ADAMTSL4: variants seen among roughly 807,000 people sequenced by gnomAD.
ADAMTSL4 encodes the protein ADAMTS like 4.
Under a neutral mutation model 122.8 loss-of-function variants are expected in ADAMTSL4, and 97 were observed. That is an observed-to-expected ratio of 0.79 (90% CI 0.67 to 0.93). The LOEUF is 0.93. Ranked by LOEUF, ADAMTSL4 falls within the 40% of genes least tolerant of loss-of-function variation. The pLI, the probability that ADAMTSL4 is intolerant of heterozygous loss-of-function variation, is 0.00. For synonymous variants in ADAMTSL4, 592 were observed against 568.0 expected (o/e 1.04, Z -0.60); for missense variants, 1,408 against 1,453.5 (o/e 0.97, Z 0.51).
In ADAMTSL4 at chr1:150,552,337, G is replaced by T. The variant is rs769173185; in HGVS notation, c.20+29G>T. ...AGAGAAGGGGCCACGGGTTGGGGGG[G>T]AGGAAAAGGGGAGGTGCTGGGATGG... On this transcript the variant is annotated intron_variant, in intron 3 of 18. Coordinates refer to ENST00000271643, the MANE Select transcript of ADAMTSL4 (RefSeq NM_019032.6). The surrounding 1 kb of genome is among the most constrained non-coding windows in gnomAD (Gnocchi z 4.0). 5.1e-6 allele frequency: 8 copies of T among 1,553,498 alleles called. No homozygotes were observed. In the South Asian group the frequency reaches 7.1e-5, roughly 14 times the overall value.
At position 150,554,255 on chromosome 1, in the gene ADAMTSL4, T is replaced by A. The variant is rs188568590; in HGVS notation, c.1132-110T>A. The A allele has an allele frequency of 3.5e-6, 5 of 1,424,962 alleles. No individual in the cohort carries two copies. In the East Asian group the frequency reaches 1.1e-4, roughly 33 times the overall value. The allele number at this position is 1,424,962 out of a possible 1,614,324, so 88.3% of individuals were successfully genotyped here. Reference sequence around the variant, plus strand: ...GCATCTGACCACCTCAGGGCAGGGGTCTTGGAGCTCTTCCGCTGACCTGAG... The same window carrying A: ...GCATCTGACCACCTCAGGGCAGGGGACTTGGAGCTCTTCCGCTGACCTGAG... On this transcript the variant is annotated intron_variant, in intron 6 of 18. Coordinates refer to ENST00000271643, the MANE Select transcript of ADAMTSL4 (RefSeq NM_019032.6). The surrounding 1 kb of genome is among the most constrained non-coding windows in gnomAD (Gnocchi z 4.0).
Position 150,553,125 on chromosome 1 carries a change from C to A in ADAMTSL4, c.306C>A (p.Pro102=), listed in dbSNP as rs1463260564. 1 of 1,613,162 alleles carries A rather than the reference C, an allele frequency of 6.2e-7. No individual in the cohort carries two copies. The highest frequency in any genetic ancestry group is 8.5e-7 in the Non-Finnish European group (1 of 1,179,790). The change falls in exon 5 of 19, where the codon CCC becomes CCA. Residue 102 remains proline, a synonymous_variant. Transcript: ENST00000271643. ...PEALLPRGQG[P]RPQTSPETLP... is the part of the protein sequence containing the mutation. ...CCCTCCTCCCCCGGGGCCAGGGTCC[C>A]AGACCCCAGACTTCTCCAGAAACCC...
In ADAMTSL4 at chr1:150,557,360, G is replaced by A. The variant is rs114589229; in HGVS notation, c.2047+25G>A. ...GGTGAGACATCACAGTGCGTTCCCC[G>A]CATCTCGGTCCAAACCCCCCAACTG... is the stretch of plus-strand genomic sequence containing the variant. On this transcript the variant is annotated intron_variant, in intron 12 of 18. Transcript: ENST00000271643. 4,923 of 1,603,496 alleles carry A rather than the reference G, an allele frequency of 3.1e-3. 150 individuals carry two copies. The African/African-American group carries it at 0.059, about 19-fold the overall frequency.
rs1671598593 is a variant in ADAMTSL4, at chr1:150,553,074, T to TC, written c.259dup (p.Arg87ProfsTer96). The stretch of plus-strand genomic sequence containing the variant: ...AGCTCCACCCGAGTCTGCCCCTCCC[T>TC]CCCCGGCCCCCAAGACATCCAGAAG... On this transcript the variant is annotated frameshift_variant, in exon 5 of 19. Coordinates refer to ENST00000271643, the MANE Select transcript of ADAMTSL4 (RefSeq NM_019032.6). LOFTEE classifies it high-confidence loss of function. 1 of 1,380,838 alleles carries TC rather than the reference T, an allele frequency of 7.2e-7. No homozygotes were observed. The highest frequency in any genetic ancestry group is 1.8e-5 in the Admixed American group (1 of 56,446). The allele number at this position is 1,380,838 out of a possible 1,614,324, so 85.5% of individuals were successfully genotyped here.
At position 150,554,544 on chromosome 1, in the gene ADAMTSL4, C is replaced by T. The variant is rs1671808050; in HGVS notation, c.1234+77C>T. 1 of 1,589,286 alleles carries T rather than the reference C, an allele frequency of 6.3e-7. No homozygotes were observed. The highest frequency in any genetic ancestry group is 1.1e-5 in the South Asian group (1 of 88,406). On this transcript the variant is annotated intron_variant, in intron 7 of 18. Coordinates refer to ENST00000271643, the MANE Select transcript of ADAMTSL4 (RefSeq NM_019032.6). This position sits in a 1 kb window ranked among gnomAD's most constrained non-coding sequence, Gnocchi z 4.0. ...AGGGGAGAGGAGATACCTGCTTACT[C>T]CCAGCCCTGAATGACTTCCAGCCCC...
rs781382300 is a variant in ADAMTSL4 at position 150,557,427 on chromosome 1, C to T, written c.2048-67C>T. 246 of 1,610,240 alleles carry T rather than the reference C, an allele frequency of 1.5e-4. 1 individual carries two copies. The highest frequency in any genetic ancestry group is 1.3e-3 in the South Asian group (117 of 90,616). ...GATTGTGGGGCCACGCCCGACCCTG[C>T]GTCTGGGACACCACTGAGCTTGGGC... On this transcript the variant is annotated intron_variant, in intron 12 of 18. Transcript: ENST00000271643.
chr1:150,560,157 C>CG lies in ADAMTSL4; in HGVS notation c.3187dup (p.Ala1063GlyfsTer36). On this transcript the variant is annotated frameshift_variant, in exon 19 of 19. Transcript: ENST00000271643. LOFTEE classifies it high-confidence loss of function. The stretch of plus-strand genomic sequence containing the variant: ...ACACAGCCACCTGTTGCCGCTCTTG[C>CG]GCACATGTCCTGGAGCGGTCTCCCC... 1.2e-6 allele frequency: 2 copies of CG among 1,614,064 alleles called. No homozygotes were observed. The highest frequency in any genetic ancestry group is 1.7e-6 in the Non-Finnish European group (2 of 1,180,008).
rs1486611207 is a variant in ADAMTSL4 at position 150,560,230 on chromosome 1, CCACCATCGGT to C, written c.*39_*48del. 1 of 1,612,740 alleles carries C rather than the reference CCACCATCGGT, an allele frequency of 6.2e-7. No individual in the cohort carries two copies. Among genetic ancestry groups the C allele is most frequent in the African/African-American group, 1.3e-5 (1 of 74,906 alleles). On this transcript the variant is annotated 3_prime_UTR_variant, in exon 19 of 19. Coordinates refer to ENST00000271643, the MANE Select transcript of ADAMTSL4 (RefSeq NM_019032.6). Reference sequence around the variant, plus strand: ...CGGGGCACCTTCACGGTTTTCTGTGCCACCATCGGTCACCCATTGATCGGCCCACTCTGAA... The same window carrying C: ...CGGGGCACCTTCACGGTTTTCTGTGCCACCCATTGATCGGCCCACTCTGAA...
intron 2 of ADAMTSL4, among the ~76,000 whole-genome samples, chr1:150,550,439 T>C (rs1056918100): frequency 1.0e-3 from 151 of 151,572 alleles, no homozygotes; most frequent in Non-Finnish European, 1.9e-4. Context: ...TCCAGGGAAC[T>C]GCCAAAGCCA....
intron 8 of ADAMTSL4, 67 bp downstream of exon 8, chr1:150,555,632 CAT>C: frequency 6.4e-7 from 1 of 1,557,536 alleles, no homozygotes; most frequent in Non-Finnish European, 8.7e-7. Flanking sequence ...CCCCCATATG[CAT>C]ACACATGTAC....
rs377733557 is a variant in ADAMTSL4, at chr1:150,557,976, C to G, written c.2209C>G (p.Arg737Gly). Reference sequence around the variant, plus strand: ...GGCTGGCGAGTGGACATCCTGCAGCCGCTCCTGTGGCCCCGGCACCCAGCA... The same window carrying G: ...GGCTGGCGAGTGGACATCCTGCAGCGGCTCCTGTGGCCCCGGCACCCAGCA... Reference protein sequence around the residue: ...WEAGEWTSCSRSCGPGTQHRQ... With the variant: ...WEAGEWTSCSGSCGPGTQHRQ... The change falls in exon 14 of 19, where the codon CGC becomes GGC. Residue 737 changes from arginine to glycine, a missense_variant. Physicochemically the swap from Arg to Gly is moderately radical, Grantham distance 125. Transcript: ENST00000271643. 1 of 1,610,468 alleles carries G rather than the reference C, an allele frequency of 6.2e-7. No individual in the cohort carries two copies. The highest frequency in any genetic ancestry group is 8.5e-7 in the Non-Finnish European group (1 of 1,179,782).
Position 150,556,456 on chromosome 1 carries a change from A to C in ADAMTSL4, c.1576+90A>C, listed in dbSNP as rs1672130794. 1.9e-6 allele frequency: 3 copies of C among 1,577,012 alleles called. No individual in the cohort carries two copies. The highest frequency in any genetic ancestry group is 2.6e-6 in the Non-Finnish European group (3 of 1,152,546). ...AGCAGTGAGCAAGCCAAACAGGGGG[A>C]AGTCCAGGGCCTAGCCCCTCCCCTC... On this transcript the variant is annotated intron_variant, in intron 9 of 18. Coordinates refer to ENST00000271643, the MANE Select transcript of ADAMTSL4 (RefSeq NM_019032.6). The surrounding 1 kb of genome is among the most constrained non-coding windows in gnomAD (Gnocchi z 4.1).
At chr1:150,550,522 G>GTCGC in intron 2 of ADAMTSL4, 1 of 369,744 alleles carries the variant, frequency 2.7e-6, no homozygotes, top group South Asian at 2.0e-5. Context: ...GATCTCGGTG[G>GTCGC]CAGAGAGAAG....
Position 150,553,624 on chromosome 1 carries a change from A to G in ADAMTSL4, c.633A>G (p.Gln211=). 3 of 1,613,406 alleles carry G rather than the reference A, an allele frequency of 1.9e-6. No individual in the cohort carries two copies. Among genetic ancestry groups the G allele is most frequent in the African/African-American group, 1.3e-5 (1 of 74,758 alleles). The change falls in exon 6 of 19, where the codon CAA becomes CAG. Residue 211 remains glutamine (Q), a synonymous_variant. Coordinates refer to ENST00000271643, the MANE Select transcript of ADAMTSL4 (RefSeq NM_019032.6). ...AEPFSANGSP[Q]TELPPTELSV... ...CATTCTCCGCAAACGGCAGCCCCCA[A>G]ACTGAGCTCCCTCCCACAGAACTGT...
At position 150,559,756 on chromosome 1, in the gene ADAMTSL4, C is replaced by T. The variant is rs768183443; in HGVS notation, c.2944-5C>T. The T allele has an allele frequency of 1.9e-6, 3 of 1,613,726 alleles. No homozygotes were observed. The African/African-American group carries it at 4.0e-5, about 22-fold the overall frequency. On this transcript the variant is annotated splice_polypyrimidine_tract_variant and splice_region_variant and intron_variant, in intron 17 of 18. Coordinates refer to ENST00000271643, the MANE Select transcript of ADAMTSL4 (RefSeq NM_019032.6). The surrounding 1 kb of genome is among the most constrained non-coding windows in gnomAD (Gnocchi z 4.1). Reference sequence around the variant, plus strand: ...GGTCTGATATGATGGCTGGGGTCGCCCCAGTGTTCTCGCTCCTGCCAAGGG... The same window carrying T: ...GGTCTGATATGATGGCTGGGGTCGCTCCAGTGTTCTCGCTCCTGCCAAGGG...
chr1:150,553,896 T>C lies in ADAMTSL4; in HGVS notation c.905T>C (p.Phe302Ser). 6.2e-7 allele frequency: 1 copy of C among 1,613,732 alleles called. No homozygotes were observed. Among genetic ancestry groups the C allele is most frequent in the Non-Finnish European group, 8.5e-7 (1 of 1,179,914 alleles). ...GTAGCAGGGAGACGCCCTGATCCTTTTCCTTCGGTCCCTCGGGGCCGAGGC... is the reference window on the plus strand; with the variant it reads ...GTAGCAGGGAGACGCCCTGATCCTTCTCCTTCGGTCCCTCGGGGCCGAGGC... Reference protein sequence around the residue: ...PQVAGRRPDPFPSVPRGRGQQ... With the variant: ...PQVAGRRPDPSPSVPRGRGQQ... The change falls in exon 6 of 19, where the codon TTT (phenylalanine) becomes TCT (serine). Residue 302 changes from phenylalanine (F) to serine (S), a missense_variant. Physicochemically the swap from Phe to Ser is radical, Grantham distance 155. Transcript: ENST00000271643.
chr1:150,554,023 C>A lies in ADAMTSL4; in HGVS notation c.1032C>A (p.Asn344Lys), dbSNP rs370107497. 2 of 1,611,290 alleles carry A rather than the reference C, an allele frequency of 1.2e-6. No homozygotes were observed. The highest frequency in any genetic ancestry group is 8.5e-7 in the Non-Finnish European group (1 of 1,179,924). Reference protein sequence around the residue: ...HPGAWLPLLSNGPHASSLWSL... With the variant: ...HPGAWLPLLSKGPHASSLWSL... ...GCGCCTGGCTGCCCCTGCTGAGCAA[C>A]GGCCCCCATGCCAGCTCCCTCTGGA... The change falls in exon 6 of 19, where the codon AAC becomes AAA. Residue 344 changes from asparagine to lysine, a missense_variant. By Grantham distance (94) the Asn-to-Lys change is moderately conservative (BLOSUM62 0). Coordinates refer to ENST00000271643, the MANE Select transcript of ADAMTSL4 (RefSeq NM_019032.6). The surrounding 1 kb of genome is among the most constrained non-coding windows in gnomAD (Gnocchi z 4.0).
rs927334924 is a variant in ADAMTSL4, at chr1:150,552,174, A to C, written c.-84-31A>C. The C allele has an allele frequency of 1.1e-5, 12 of 1,120,534 alleles. No individual in the cohort carries two copies. Among genetic ancestry groups the C allele is most frequent in the African/African-American group, 1.6e-5 (1 of 64,434 alleles). 69.4% of individuals were successfully genotyped at this position (1,120,534 alleles called of 1,614,324 possible). A position where few individuals can be genotyped will look rare whatever the true frequency, so the allele number is the denominator to read the frequency against. ...CAGCCCCAAGCTCTCTGGACACTGGAGAGGTAACCACCAGGCTTCTGTCCC... is the reference window on the plus strand; with the variant it reads ...CAGCCCCAAGCTCTCTGGACACTGGCGAGGTAACCACCAGGCTTCTGTCCC... On this transcript the variant is annotated intron_variant, in intron 2 of 18. Coordinates refer to ENST00000271643, the MANE Select transcript of ADAMTSL4 (RefSeq NM_019032.6). The surrounding 1 kb of genome is among the most constrained non-coding windows in gnomAD (Gnocchi z 4.0).
Position 150,554,296 on chromosome 1 carries a change from C to G in ADAMTSL4, c.1132-69C>G, listed in dbSNP as rs1003823157. 1.3e-6 allele frequency: 2 copies of G among 1,527,056 alleles called. No individual in the cohort carries two copies. Among genetic ancestry groups the G allele is most frequent in the Non-Finnish European group, 1.8e-6 (2 of 1,103,912 alleles). The allele number at this position is 1,527,056 out of a possible 1,614,324, so 94.6% of individuals were successfully genotyped here. On this transcript the variant is annotated intron_variant, in intron 6 of 18. Coordinates refer to ENST00000271643, the MANE Select transcript of ADAMTSL4 (RefSeq NM_019032.6). The surrounding 1 kb of genome is among the most constrained non-coding windows in gnomAD (Gnocchi z 4.0). ...CTGACCTGAGCCTCCCACCTGCTCC[C>G]CAGGTTCAGCCCTGCCCCTACCCTC...
Sources: gnomAD v4.1 joint callset for allele counts (sites outside exome capture counted in the v4.1 genomes callset) on GRCh38, gnomAD v4.1.1 for gene constraint, Gnocchi (gnomAD v3.1) non-coding constraint, MANE v1.5 for transcripts, NCBI Gene and HGNC (gene_info 2026-07-23, HGNC 2026-07-21) for gene names.